MEGF11: variants seen among roughly 807,000 people sequenced by gnomAD.
MEGF11 encodes the protein multiple EGF like domains 11, also known as multiple epidermal growth factor-like domains protein 11.
In MEGF11, 126 loss-of-function variants were observed where a neutral mutation model predicts 146.6. That is an observed-to-expected ratio of 0.86 (90% CI 0.74 to 1.00). The LOEUF (loss-of-function observed/expected upper bound fraction) is 1.00, where lower values mean the gene tolerates loss of function less well. Among genes scored for constraint, MEGF11 ranks in the 50% least tolerant of loss-of-function variants. The pLI is 0.00. For missense variants in MEGF11, 1,509 were observed against 1,521.2 expected (o/e 0.99, Z 0.13); for synonymous variants, 532 against 583.4 (o/e 0.91, Z 1.27).
chr15:66,198,748 G>A (rs1312936178), intron 1 of MEGF11, among the ~76,000 whole-genome samples: 1 of 152,082 alleles, frequency 6.6e-6, no homozygotes, highest in Non-Finnish European at 1.5e-5. Flanking sequence ...GCCTCCGAAA[G>A]TGCTGGATTA....
intron 5 of MEGF11, among the ~76,000 whole-genome samples, chr15:66,052,592 C>T (rs2084497019): frequency 6.6e-6 from 1 of 152,178 alleles, no homozygotes; most frequent in Admixed American, 6.5e-5. Flanking sequence ...AATCATGCCT[C>T]CTTCTCGATG....
chr15:65,930,348 G>T (rs1325718218), intron 11 of MEGF11, among the ~76,000 whole-genome samples: 1 of 151,974 alleles, frequency 6.6e-6, no homozygotes, highest in Admixed American at 6.5e-5. Context: ...CTCCCAGCCA[G>T]GCTGCCTGCA....
At chr15:65,994,865 A>G (rs1407295930) in intron 5 of MEGF11, among the ~76,000 whole-genome samples, 2 of 152,230 alleles carry the variant, frequency 1.3e-5, no homozygotes, top group South Asian at 4.1e-4. Context: ...ATCTGGAGCC[A>G]ACTGGTGCTC....
chr15:65,931,003 A>G, intron 10 of MEGF11, 60 bp from the exon 11 acceptor site: 1 of 1,464,442 alleles, frequency 6.8e-7, no homozygotes, highest in Non-Finnish European at 9.1e-7. Context: ...TGGCTGTGGT[A>G]GGCAGGATAA....
chr15:66,156,260 A>C (rs573850368), intron 1 of MEGF11, among the ~76,000 whole-genome samples: 25 of 152,006 alleles, frequency 1.6e-4, no homozygotes, highest in African/African-American at 4.6e-4. Context: ...GATCTCCCCT[A>C]CCCCTGGCTG....
chr15:66,037,754 A>G (rs2140275040), intron 5 of MEGF11, among the ~76,000 whole-genome samples: 1 of 152,334 alleles, frequency 6.6e-6, no homozygotes, highest in South Asian at 2.1e-4. Context: ...TCCCTAGGAA[A>G]GTCATCTTCC....
intron 5 of MEGF11, among the ~76,000 whole-genome samples, chr15:66,019,576 C>T (rs1004322548): frequency 6.6e-6 from 1 of 152,158 alleles, no homozygotes; most frequent in Admixed American, 6.5e-5. Context: ...GCTAGGGAAC[C>T]GCAAGCCCCT....
chr15:66,240,476 C>T lies in MEGF11; in HGVS notation c.-9+13129G>A, dbSNP rs566117080. Reference sequence around the variant, plus strand: ...AGGTGCTTCCGGTGAACAATTTATACGAAGCGATAAAGACCACACCCTGGA... The same window carrying T: ...AGGTGCTTCCGGTGAACAATTTATATGAAGCGATAAAGACCACACCCTGGA... On this transcript the variant is annotated intron_variant, in intron 1 of 25. Coordinates refer to ENST00000395614, the MANE Select transcript of MEGF11 (RefSeq NM_001385028.1). 4.3e-4 allele frequency among the ~76,000 whole-genome samples: 66 copies of T among 152,168 alleles called. 1 individual carries two copies. The highest frequency in any genetic ancestry group is 3.8e-3 in the Admixed American group (58 of 15,286).
rs1172502794 is a variant in MEGF11, at chr15:66,189,900, T to G, written c.-8-61489A>C. Among the ~76,000 whole-genome samples the G allele has an allele frequency of 2.6e-5, 4 of 152,144 alleles. No individual in the cohort carries two copies. The South Asian group carries it at 8.3e-4, about 32-fold the overall frequency. On this transcript the variant is annotated intron_variant, in intron 1 of 25. Transcript: ENST00000395614. ...AGGAGGCTGAAATGACAGGATCACT[T>G]GAGCCCAGGAGTCAAGGCTGTAGTG...
chr15:66,006,038 C>G (rs914316785), intron 5 of MEGF11, among the ~76,000 whole-genome samples: 1 of 152,130 alleles, frequency 6.6e-6, no homozygotes, highest in South Asian at 2.1e-4. Context: ...AGGCGCTGTA[C>G]GATGTTTGGT....
chr15:66,128,012 C>T (rs2088456174), intron 2 of MEGF11, among the ~76,000 whole-genome samples: 1 of 152,252 alleles, frequency 6.6e-6, no homozygotes, highest in East Asian at 1.9e-4. Context: ...TGGACAGGGA[C>T]TGAGCCCCTC....
intron 10 of MEGF11, among the ~76,000 whole-genome samples, chr15:65,942,937 CAAAACAA>C (rs916067145): frequency 2.2e-5 from 2 of 89,214 alleles, no homozygotes; most frequent in African/African-American, 8.7e-5. Context: ...GTGCTAAAAA[CAAAACAA>C]AACAAAACAA....
intron 5 of MEGF11, among the ~76,000 whole-genome samples, chr15:65,995,941 C>G (rs1021768216): frequency 6.6e-6 from 1 of 152,148 alleles, no homozygotes; most frequent in Non-Finnish European, 1.5e-5. Flanking sequence ...CTTCCATCAT[C>G]TCCATTTATA....
intron 1 of MEGF11, among the ~76,000 whole-genome samples, chr15:66,152,324 A>T (rs562883921): frequency 1.3e-5 from 2 of 152,172 alleles, no homozygotes; most frequent in East Asian, 3.9e-4. Context: ...AGAGACAAAG[A>T]TAAAGGGTAT....
At chr15:66,166,584 CGT>C in intron 1 of MEGF11, among the ~76,000 whole-genome samples, 1 of 152,234 alleles carries the variant, frequency 6.6e-6, no homozygotes, top group East Asian at 1.9e-4. Context: ...TGATCTGGTT[CGT>C]GTCCTCCCTG....
At chr15:66,146,672 G>A (rs558553100) in intron 1 of MEGF11, among the ~76,000 whole-genome samples, 35 of 152,352 alleles carry the variant, frequency 2.3e-4, no homozygotes, top group African/African-American at 8.4e-4. Flanking sequence ...GTCATGAAGT[G>A]TCTAAGGACT....
chr15:65,976,099 A>C (rs142854365), intron 7 of MEGF11, among the ~76,000 whole-genome samples: 2,717 of 145,774 alleles, frequency 0.019, 69 homozygotes, highest in African/African-American at 0.066. Context: ...CTGGAGTGCA[A>C]TGATGTGATC....
intron 9 of MEGF11, among the ~76,000 whole-genome samples, chr15:65,963,135 C>G (rs1445818698): frequency 6.6e-6 from 1 of 152,236 alleles, no homozygotes; most frequent in Non-Finnish European, 1.5e-5. Context: ...ATCAGCCTTG[C>G]TTCCTGTCTT....
At chr15:65,962,838 G>A in intron 9 of MEGF11, among the ~76,000 whole-genome samples, 1 of 152,134 alleles carries the variant, frequency 6.6e-6, no homozygotes, top group Non-Finnish European at 1.5e-5. Flanking sequence ...AGACTGGTGG[G>A]CACGCTCAGA....
Sources: allele counts gnomAD v4.1 joint callset (sites outside exome capture counted in the v4.1 genomes callset), GRCh38; gene constraint gnomAD v4.1.1; transcripts MANE v1.5; gene names NCBI Gene and HGNC (gene_info 2026-07-23, HGNC 2026-07-21).